CPS1: variants seen among roughly 807,000 people sequenced by gnomAD.
CPS1 encodes carbamoyl-phosphate synthase [ammonia], mitochondrial.
CPS1 carries 109 observed loss-of-function variants against 174.6 expected under a neutral mutation model. The ratio of observed to expected loss-of-function variants is 0.62; its 90% CI spans 0.53 to 0.73. The LOEUF is 0.73. Ranked by LOEUF, CPS1 falls within the 30% of genes least tolerant of loss-of-function variation. The probability of loss-of-function intolerance (pLI) is 0.00; values close to 1 mark genes in which losing one functional copy is unlikely to be tolerated. For synonymous variants in CPS1, 637 were observed against 632.0 expected (o/e 1.01, Z -0.12); for missense variants, 1,689 against 1,821.9 (o/e 0.93, Z 1.33).
intron 33 of CPS1, among the ~76,000 whole-genome samples, chr2:210,665,377 A>G (rs909487261): frequency 3.3e-5 from 5 of 150,998 alleles, no homozygotes; most frequent in African/African-American, 9.7e-5. Flanking sequence ...CACAATGTGC[A>G]GGTTAGTTAC....
At chr2:210,577,606 A>G (rs752873202) in intron 4 of CPS1, 96 bp downstream of exon 4, 28 of 922,110 alleles carry the variant, frequency 3.0e-5, no homozygotes, top group Middle Eastern at 2.1e-4. Context: ...AAGATCATGT[A>G]GTTTGGGATC....
intron 13 of CPS1, among the ~76,000 whole-genome samples, chr2:210,598,325 C>G (rs1445417000): frequency 6.6e-6 from 1 of 151,804 alleles, no homozygotes; most frequent in East Asian, 1.9e-4. Context: ...TAATAACCAG[C>G]TAATAGCACA....
intron 1 of CPS1, among the ~76,000 whole-genome samples, chr2:210,502,673 C>T (rs1695178010): frequency 6.6e-6 from 1 of 152,012 alleles, no homozygotes; most frequent in Admixed American, 6.6e-5. Flanking sequence ...AAAGGGAAGT[C>T]ATAGTTCCTG....
intron 1 of CPS1, among the ~76,000 whole-genome samples, chr2:210,507,707 A>G (rs1354048089): frequency 6.6e-6 from 1 of 151,798 alleles, no homozygotes; most frequent in Non-Finnish European, 1.5e-5. Flanking sequence ...TGGAAAACAA[A>G]AAAAGGCAGG....
intron 1 of CPS1, among the ~76,000 whole-genome samples, chr2:210,500,110 T>C (rs1273791542): frequency 6.6e-6 from 1 of 152,016 alleles, no homozygotes; most frequent in East Asian, 1.9e-4. Context: ...TCAGATCTCA[T>C]GAGAACTCAT....
intron 20 of CPS1, among the ~76,000 whole-genome samples, chr2:210,613,515 C>G (rs1305279871): frequency 1.3e-5 from 2 of 151,234 alleles, no homozygotes; most frequent in Non-Finnish European, 3.0e-5. Flanking sequence ...ATTTATTATC[C>G]CTATTTCAGT....
rs751361426 is a variant in CPS1 at position 210,615,803 on chromosome 2, T to C, written c.2569-620T>C. ...GTTATTACTACATTGTTTTGGAATA[T>C]ATTAGGATTTTAAAAAATGCCTGCC... is the stretch of plus-strand genomic sequence containing the variant. On this transcript the variant is annotated intron_variant, in intron 20 of 37. Coordinates refer to ENST00000233072, the MANE Select transcript of CPS1 (RefSeq NM_001875.5). 9.2e-5 allele frequency among the ~76,000 whole-genome samples: 14 copies of C among 152,154 alleles called. No individual in the cohort carries two copies. The South Asian group carries it at 1.7e-3, about 18-fold the overall frequency.
In CPS1 at chr2:210,487,014, C is replaced by T. The variant is rs186246837; in HGVS notation, c.3+9248C>T. ...TATTTATTTATTTATTTTTTGCTTG[C>T]TTTGAATTCTTACTCTGTAAATGAA... On this transcript the variant is annotated intron_variant, in intron 1 of 38. Coordinates refer to the CPS1 transcript ENST00000430249. Among the ~76,000 whole-genome samples the T allele has an allele frequency of 8.2e-4, 118 of 143,266 alleles. 1 individual carries two copies. The East Asian group carries it at 0.022, about 26-fold the overall frequency. The allele number at this position is 143,266 out of a possible 152,430, so 94.0% of individuals were successfully genotyped here. A position where few individuals can be genotyped will look rare whatever the true frequency, so the allele number is the denominator to read the frequency against.
intron 18 of CPS1, 89 bp from the exon 19 acceptor site, chr2:210,608,272 C>T (rs190323832): frequency 4.0e-6 from 5 of 1,241,740 alleles, no homozygotes. Flanking sequence ...AGAATAATAC[C>T]AGAAATTTTA....
At chr2:210,536,320 C>CT (rs1440042501) in intron 1 of CPS1, among the ~76,000 whole-genome samples, 4,993 of 125,158 alleles carry the variant, frequency 0.04, 390 homozygotes, top group African/African-American at 0.13. Flanking sequence ...TGTTTAGGTA[C>CT]TTTTTTTTTT....
chr2:210,592,087 A>T, intron 10 of CPS1, 118 bp downstream of exon 10: 1 of 1,147,578 alleles, frequency 8.7e-7, no homozygotes, highest in Non-Finnish European at 1.2e-6. Context: ...TGATACATGC[A>T]TATCATATGT....
intron 6 of CPS1, 41 bp downstream of exon 6, chr2:210,582,750 C>T: frequency 7.2e-7 from 1 of 1,388,476 alleles, no homozygotes; most frequent in Non-Finnish European, 1.0e-6. Context: ...TTATTTGATC[C>T]CATTTAGACC....
intron 20 of CPS1, among the ~76,000 whole-genome samples, chr2:210,614,980 C>G (rs1160964068): frequency 2.0e-5 from 3 of 151,664 alleles, no homozygotes; most frequent in African/African-American, 4.8e-5. Context: ...CCGTGTATAC[C>G]TATGTAACAA....
In CPS1 at chr2:210,590,225, T is replaced by C. The variant is rs1218356698; in HGVS notation, c.831T>C (p.Asn277=). The change falls in exon 8 of 38, where the codon AAT becomes AAC. Residue 277 remains asparagine (N), a synonymous_variant. Transcript: ENST00000233072. The part of the protein sequence containing the change: ...NPALAEPLIQ[N]VRKILESDRK... ...CTCTTGCAGAACCACTAATTCAGAA[T>C]GTCAGAAAGGTGCAATGAACCTTGA... The C allele has an allele frequency of 1.2e-6, 2 of 1,612,576 alleles. No homozygotes were observed. Among genetic ancestry groups the C allele is most frequent in the African/African-American group, 2.7e-5 (2 of 74,782 alleles).
At chr2:210,523,067 C>T (rs115705246) in intron 1 of CPS1, among the ~76,000 whole-genome samples, 264 of 152,054 alleles carry the variant, frequency 1.7e-3, no homozygotes, top group Middle Eastern at 3.4e-3. Context: ...AGGGTAAAGT[C>T]CTGGCCCTAA....
At chr2:210,626,687 A>G (rs1431125954) in intron 21 of CPS1, among the ~76,000 whole-genome samples, 1 of 152,178 alleles carries the variant, frequency 6.6e-6, no homozygotes, top group African/African-American at 2.4e-5. Context: ...TGTATTCTTG[A>G]TCTTCAAAAA....
intron 1 of CPS1, among the ~76,000 whole-genome samples, chr2:210,508,369 A>C (rs1695349094): frequency 1.3e-5 from 2 of 151,312 alleles, no homozygotes; most frequent in African/African-American, 4.9e-5. Flanking sequence ...TCTGGGACAC[A>C]TTCAAAGCAG....
At chr2:210,648,750 T>C (rs1700465525) in intron 27 of CPS1, among the ~76,000 whole-genome samples, 1 of 152,214 alleles carries the variant, frequency 6.6e-6, no homozygotes, top group Non-Finnish European at 1.5e-5. Context: ...AAGACTACAG[T>C]TCTTCATCTA....
rs544809761 is a variant in CPS1 at position 210,601,916 on chromosome 2, T to C, written c.1708-286T>C. Among the ~76,000 whole-genome samples, 17 of 152,052 alleles carry C rather than the reference T, an allele frequency of 1.1e-4. No individual in the cohort carries two copies. The East Asian group carries it at 3.1e-3, about 28-fold the overall frequency. On this transcript the variant is annotated intron_variant, in intron 15 of 37. Transcript: ENST00000233072. The stretch of plus-strand genomic sequence containing the variant: ...CTGCCATTCTCAAATGAATGATGAT[T>C]ATTTCTGCTTTGACCATGGTTCTGT...
Sources: gnomAD v4.1 joint callset for allele counts (sites outside exome capture counted in the v4.1 genomes callset) on GRCh38, gnomAD v4.1.1 for gene constraint, MANE v1.5 for transcripts, NCBI Gene and HGNC (gene_info 2026-07-23, HGNC 2026-07-21) for gene names.